The following GALNTL6 variants were observed in gnomAD, a reference collection of about 807,000 sequenced individuals.
GALNTL6 encodes the protein polypeptide N-acetylgalactosaminyltransferase like 6.
GALNTL6 carries 46 observed loss-of-function variants against 73.7 expected under a neutral mutation model. The ratio of observed to expected loss-of-function variants is 0.62; its 90% CI spans 0.49 to 0.80. The LOEUF (loss-of-function observed/expected upper bound fraction) is 0.80, where lower values mean the gene tolerates loss of function less well. GALNTL6 is among the 30% of genes least tolerant of loss of function. The pLI, the probability that GALNTL6 is intolerant of heterozygous loss-of-function variation, is 0.00. For synonymous variants in GALNTL6, 259 were observed against 263.7 expected, an observed-to-expected ratio of 0.98 and a Z score of 0.17; for missense variants, 604 against 755.0, an observed-to-expected ratio of 0.80 and a Z score of 2.34.
In GALNTL6 at chr4:172,316,290, C is replaced by T. The variant is rs1048699180; in HGVS notation, c.386+4538C>T. ...TTGATATGAGTTTCATTTTTTTGGC[C>T]GTTATAAAAGTATATGTGTTTATAC... On this transcript the variant is annotated intron_variant, in intron 4 of 12. Coordinates refer to ENST00000506823, the MANE Select transcript of GALNTL6 (RefSeq NM_001034845.3). Among the ~76,000 whole-genome samples, 8 of 152,002 alleles carry T rather than the reference C, an allele frequency of 5.3e-5. No individual in the cohort carries two copies. In the East Asian group the frequency reaches 7.8e-4, roughly 15 times the overall value.
intron 2 of GALNTL6, among the ~76,000 whole-genome samples, chr4:171,955,589 C>T (rs904479427): frequency 6.6e-6 from 1 of 151,846 alleles, no homozygotes; most frequent in African/African-American, 2.4e-5. Flanking sequence ...ATACCTAATG[C>T]GATGTAAATT....
chr4:172,731,245 G>A (rs962365757), intron 5 of GALNTL6, among the ~76,000 whole-genome samples: 2 of 152,050 alleles, frequency 1.3e-5, no homozygotes, highest in Non-Finnish European at 1.5e-5. Flanking sequence ...TGTTTGTTTT[G>A]TTAAGGTTTC....
intron 2 of GALNTL6, among the ~76,000 whole-genome samples, chr4:172,134,008 A>G (rs1338431443): frequency 6.6e-6 from 1 of 152,206 alleles, no homozygotes; most frequent in Admixed American, 6.5e-5. Context: ...GTCCTCAGAA[A>G]ATTAGTTGAC....
At chr4:172,246,513 G>A (rs940972572) in intron 3 of GALNTL6, among the ~76,000 whole-genome samples, 1 of 151,994 alleles carries the variant, frequency 6.6e-6, no homozygotes, top group Non-Finnish European at 1.5e-5. Flanking sequence ...ATAAATGTAT[G>A]CAGCTTAATA....
chr4:172,705,213 A>ATT (rs58644433), intron 5 of GALNTL6, among the ~76,000 whole-genome samples: 4,142 of 146,360 alleles, frequency 0.028, 201 homozygotes, highest in African/African-American at 0.092. Flanking sequence ...TACTACTGCT[A>ATT]TTTTTTTTTT....
Position 172,846,077 on chromosome 4 carries a change from T to A in GALNTL6, c.923+32354T>A, listed in dbSNP as rs143182184. Among the ~76,000 whole-genome samples, 235 of 152,352 alleles carry A rather than the reference T, an allele frequency of 1.5e-3. 1 individual carries two copies. Among genetic ancestry groups the A allele is most frequent in the East Asian group, 2.5e-3 (13 of 5,184 alleles). On this transcript the variant is annotated intron_variant, in intron 7 of 12. Transcript: ENST00000506823. ...ATTTGTGATACATTTCTATTAAGCA[T>A]GTCAAGTTACAAATAATCAAATGTA...
chr4:172,610,527 A>G (rs767231153), intron 5 of GALNTL6, among the ~76,000 whole-genome samples: 9 of 151,926 alleles, frequency 5.9e-5, no homozygotes, highest in Non-Finnish European at 1.5e-5. Flanking sequence ...ATTTGTTTCT[A>G]TTTTTATTGT....
At chr4:172,349,093 C>T (rs1741852286) in intron 5 of GALNTL6, among the ~76,000 whole-genome samples, 2 of 152,094 alleles carry the variant, frequency 1.3e-5, no homozygotes, top group Non-Finnish European at 2.9e-5. Flanking sequence ...ATGACACATA[C>T]TCCAGGCTGT....
chr4:172,609,520 G>C (rs1427351132), intron 5 of GALNTL6, among the ~76,000 whole-genome samples: 2 of 151,718 alleles, frequency 1.3e-5, no homozygotes, highest in Non-Finnish European at 2.9e-5. Context: ...GAAGCCTTTT[G>C]ATGTGCTGCC....
intron 2 of GALNTL6, chr4:172,052,316 C>G (rs1185120518): frequency 3.3e-6 from 2 of 614,734 alleles, no homozygotes; most frequent in African/African-American, 3.7e-5. Flanking sequence ...GGGAAGAGCT[C>G]GGGTATATTG....
intron 2 of GALNTL6, among the ~76,000 whole-genome samples, chr4:172,187,486 C>T (rs1735448820): frequency 6.6e-6 from 1 of 152,068 alleles, no homozygotes; most frequent in African/African-American, 2.4e-5. Context: ...GTGTTCATTA[C>T]AGTTTTTTTA....
intron 2 of GALNTL6, among the ~76,000 whole-genome samples, chr4:171,917,673 G>C (rs369348501): frequency 8.5e-5 from 13 of 152,194 alleles, no homozygotes; most frequent in African/African-American, 3.1e-4. Context: ...TGAAAGGTCT[G>C]GGAGTCCCAA....
chr4:172,530,009 T>G (rs1417182661), intron 5 of GALNTL6, among the ~76,000 whole-genome samples: 2 of 151,922 alleles, frequency 1.3e-5, no homozygotes, highest in Non-Finnish European at 2.9e-5. Flanking sequence ...CCCAAAGTGC[T>G]GGGATTACAG....
At chr4:171,856,973 T>C (rs1049187013) in intron 2 of GALNTL6, among the ~76,000 whole-genome samples, 1 of 152,216 alleles carries the variant, frequency 6.6e-6, no homozygotes, top group Non-Finnish European at 1.5e-5. Flanking sequence ...ATAGCAGTGA[T>C]TGTGACAGAC....
chr4:172,981,833 G>A (rs568067061), intron 10 of GALNTL6, among the ~76,000 whole-genome samples: 11 of 122,130 alleles, frequency 9.0e-5, no homozygotes, highest in South Asian at 4.9e-4. Context: ...ATGGAGTTTC[G>A]CTCTTGTTGC....
chr4:172,984,912 G>A (rs1405875923), intron 10 of GALNTL6, among the ~76,000 whole-genome samples: 3 of 152,060 alleles, frequency 2.0e-5, no homozygotes, highest in Non-Finnish European at 4.4e-5. Flanking sequence ...GGATACTAAT[G>A]GGAATTTATG....
intron 5 of GALNTL6, among the ~76,000 whole-genome samples, chr4:172,738,383 G>A (rs921314395): frequency 3.3e-5 from 5 of 152,120 alleles, no homozygotes; most frequent in East Asian, 1.9e-4. Context: ...AGAACTCAGC[G>A]CTGTATATTT....
At chr4:172,117,241 C>T (rs1211757885) in intron 2 of GALNTL6, among the ~76,000 whole-genome samples, 1 of 152,140 alleles carries the variant, frequency 6.6e-6, no homozygotes, top group Non-Finnish European at 1.5e-5. Context: ...TATCTTCCAG[C>T]TGAAAATGAC....
intron 2 of GALNTL6, among the ~76,000 whole-genome samples, chr4:172,202,130 A>G (rs149449814): frequency 2.0e-4 from 30 of 152,328 alleles, no homozygotes; most frequent in African/African-American, 6.7e-4. Flanking sequence ...TTACTTAAAG[A>G]GGTTGTGCTT....
Sources: gnomAD v4.1 joint callset for allele counts (sites outside exome capture counted in the v4.1 genomes callset) on GRCh38, gnomAD v4.1.1 for gene constraint, MANE v1.5 for transcripts, NCBI Gene and HGNC (gene_info 2026-07-23, HGNC 2026-07-21) for gene names.